Variants in ROBO2 observed in about 807,000 individuals in gnomAD.
ROBO2 encodes the protein roundabout homolog 2.
A neutral mutation model predicts 160.8 loss-of-function variants in ROBO2; 53 were observed. That is an observed-to-expected ratio of 0.33 (90% confidence interval 0.26 to 0.41). ROBO2 has a LOEUF of 0.41. Among genes scored for constraint, ROBO2 ranks in the 10% least tolerant of loss-of-function variants. The probability of loss-of-function intolerance (pLI) is 1.00; values close to 1 mark genes in which losing one functional copy is unlikely to be tolerated. For synonymous variants in ROBO2, 664 were observed against 611.7 expected (o/e 1.09, Z -1.26); for missense variants, 1,577 against 1,722.4 (o/e 0.92, Z 1.49).
intron 2 of ROBO2, among the ~76,000 whole-genome samples, chr3:76,986,260 G>A (rs944845244): frequency 2.0e-5 from 3 of 152,116 alleles, no homozygotes; most frequent in African/African-American, 7.2e-5. Context: ...GTTACATAAT[G>A]TAGAATATTT....
chr3:76,821,056 G>A (rs1362739350), intron 2 of ROBO2, among the ~76,000 whole-genome samples: 1 of 151,872 alleles, frequency 6.6e-6, no homozygotes, highest in Non-Finnish European at 1.5e-5. Flanking sequence ...TTTATTTGAA[G>A]GTGTAATTGT....
chr3:77,060,476 A>T (rs1553751416), intron 1 of ROBO2, among the ~76,000 whole-genome samples: 1 of 152,198 alleles, frequency 6.6e-6, no homozygotes, highest in Non-Finnish European at 1.5e-5. Flanking sequence ...TTGTATTTGG[A>T]TTGCTCATGA....
chr3:76,948,900 A>ATTTTT (rs2078761417), intron 2 of ROBO2, among the ~76,000 whole-genome samples: 1 of 41,918 alleles, frequency 2.4e-5, no homozygotes, highest in African/African-American at 1.3e-4. Context: ...ATATATATAT[A>ATTTTT]TATATATATT....
intron 2 of ROBO2, among the ~76,000 whole-genome samples, chr3:76,633,724 C>A (rs997118773): frequency 1.4e-4 from 21 of 152,198 alleles, no homozygotes; most frequent in African/African-American, 5.1e-4. Context: ...ATCTGCACAA[C>A]AATTCTATGA....
intron 2 of ROBO2, among the ~76,000 whole-genome samples, chr3:76,385,041 T>C (rs1343800890): frequency 6.6e-6 from 1 of 152,170 alleles, no homozygotes; most frequent in Non-Finnish European, 1.5e-5. Context: ...AGGGCCTTGC[T>C]TTTAGTGCAG....
intron 15 of ROBO2, among the ~76,000 whole-genome samples, chr3:77,578,139 A>G (rs2093817032): frequency 6.6e-6 from 1 of 152,102 alleles, no homozygotes. Flanking sequence ...TTTACAAAAT[A>G]CTGACTTACA....
At chr3:76,871,511 G>A (rs1362834921) in intron 2 of ROBO2, among the ~76,000 whole-genome samples, 2 of 142,718 alleles carry the variant, frequency 1.4e-5, no homozygotes, top group African/African-American at 5.2e-5. Context: ...CCGAGATCCC[G>A]CCACTGCACT....
intron 2 of ROBO2, among the ~76,000 whole-genome samples, chr3:76,807,686 T>A (rs1453683247): frequency 6.6e-6 from 1 of 152,118 alleles, no homozygotes; most frequent in Non-Finnish European, 1.5e-5. Context: ...ACACTGTCAG[T>A]CCTCTTGTAA....
chr3:77,381,480 GTTT>G, intron 2 of ROBO2, among the ~76,000 whole-genome samples: 1 of 152,302 alleles, frequency 6.6e-6, no homozygotes, highest in East Asian at 1.9e-4. Context: ...ATGCAAGACG[GTTT>G]TTAACAGAGA....
rs1205092129 is a variant in ROBO2, at chr3:76,924,935, G to A, written c.110-173079G>A. On this transcript the variant is annotated intron_variant, in intron 2 of 26. Coordinates refer to the ROBO2 transcript ENST00000487694. Reference sequence around the variant, plus strand: ...TTAAAAATCTGGTTTGCGGCCGGGCGCGGTGGCTCACGCCTGTAATCCCAG... The same window carrying A: ...TTAAAAATCTGGTTTGCGGCCGGGCACGGTGGCTCACGCCTGTAATCCCAG... 1.3e-5 allele frequency among the ~76,000 whole-genome samples: 2 copies of A among 152,092 alleles called. 1 individual carries two copies. The highest frequency in any genetic ancestry group is 4.2e-4 in the South Asian group (2 of 4,818).
intron 2 of ROBO2, among the ~76,000 whole-genome samples, chr3:76,704,574 A>G (rs539640562): frequency 3.7e-4 from 57 of 152,268 alleles, no homozygotes; most frequent in African/African-American, 1.4e-3. Flanking sequence ...AATAGTTACA[A>G]TAGAAAGTAC....
At chr3:76,228,098 A>T (rs1048733994) in intron 2 of ROBO2, among the ~76,000 whole-genome samples, 1 of 152,192 alleles carries the variant, frequency 6.6e-6, no homozygotes, top group East Asian at 1.9e-4. Flanking sequence ...GAAATAAAAA[A>T]GTGTGGATGT....
rs145836171 is a variant in ROBO2 at position 76,077,399 on chromosome 3, C to T, written c.109+139797C>T. On this transcript the variant is annotated intron_variant, in intron 2 of 26. Coordinates refer to the ROBO2 transcript ENST00000487694. ...CCAACATGGTGAAACCCCGTCTCTA[C>T]TAAAAATACAAAAATTAGCCGTGTG... Among the ~76,000 whole-genome samples the T allele has an allele frequency of 5.0e-3, 760 of 152,166 alleles. 6 individuals are homozygous for T. Among genetic ancestry groups the T allele is most frequent in the Middle Eastern group, 0.014 (4 of 294 alleles).
exon 26 of ROBO2, chr3:77,646,325 C>A: frequency 2.8e-6 from 1 of 358,394 alleles, no homozygotes; most frequent in Non-Finnish European, 5.1e-6. Flanking sequence ...AAAGGATTCT[C>A]CTCTGTATAT....
intron 2 of ROBO2, among the ~76,000 whole-genome samples, chr3:76,297,706 TA>T (rs71277576): frequency 0.04 from 2,287 of 56,618 alleles, 35 homozygotes; most frequent in African/African-American, 0.091. Flanking sequence ...CTGCTTTCCT[TA>T]AAAAAAAAAA....
In ROBO2 at chr3:76,335,178, G is replaced by GTTT. The variant is rs34963831; in HGVS notation, c.109+397597_109+397599dup. 5.1e-3 allele frequency among the ~76,000 whole-genome samples: 397 copies of GTTT among 77,834 alleles called. 1 individual carries two copies. The highest frequency in any genetic ancestry group is 7.2e-3 in the East Asian group (17 of 2,352). The allele number at this position is 77,834 out of a possible 152,430, so 51.1% of individuals were successfully genotyped here. On this transcript the variant is annotated intron_variant, in intron 2 of 26. Transcript: ENST00000487694. Reference sequence around the variant, plus strand: ...CACCACATCCAAACTTTTCTGTTTTGTTTTTTTTTTTTTTTTTTTTTTTGA... The same window carrying GTTT: ...CACCACATCCAAACTTTTCTGTTTTGTTTTTTTTTTTTTTTTTTTTTTTTTTGA...
At position 76,095,655 on chromosome 3, in the gene ROBO2, C is replaced by T. The variant is rs181960046; in HGVS notation, c.109+158053C>T. Among the ~76,000 whole-genome samples the T allele has an allele frequency of 1.7e-3, 252 of 151,942 alleles. 1 individual carries two copies. Among genetic ancestry groups the T allele is most frequent in the Non-Finnish European group, 3.2e-3 (216 of 67,958 alleles). On this transcript the variant is annotated intron_variant, in intron 2 of 26. Coordinates refer to the ROBO2 transcript ENST00000487694. ...AATTTATTGGATAACAACAAAACTC[C>T]ACATAGAAAATACTGTAGTACTATC...
chr3:77,500,643 C>G (rs1425645794), intron 5 of ROBO2, among the ~76,000 whole-genome samples: 1 of 152,136 alleles, frequency 6.6e-6, no homozygotes, highest in Non-Finnish European at 1.5e-5. Flanking sequence ...AGTTTACCTT[C>G]TTGGAAACTG....
At chr3:77,165,286 A>G (rs2078969156) in intron 2 of ROBO2, among the ~76,000 whole-genome samples, 1 of 148,750 alleles carries the variant, frequency 6.7e-6, no homozygotes, top group South Asian at 2.2e-4. Flanking sequence ...TCTCTGAAAC[A>G]TGTGCTGTGT....
Sources: gnomAD v4.1 joint callset for allele counts (sites outside exome capture counted in the v4.1 genomes callset) on GRCh38, gnomAD v4.1.1 for gene constraint, MANE v1.5 for transcripts, NCBI Gene and HGNC (gene_info 2026-07-23, HGNC 2026-07-21) for gene names.